UNC13C: variants seen among roughly 807,000 people sequenced by gnomAD.
UNC13C encodes protein unc-13 homolog C.
In UNC13C, 174 loss-of-function variants were observed where a neutral mutation model predicts 245.4. That is an observed-to-expected ratio of 0.71 (90% CI 0.63 to 0.80). The LOEUF (loss-of-function observed/expected upper bound fraction) is 0.80, where lower values mean the gene tolerates loss of function less well. Ranked by LOEUF, UNC13C falls within the 30% of genes least tolerant of loss-of-function variation. The pLI, the probability that UNC13C is intolerant of heterozygous loss-of-function variation, is 0.00. For missense variants in UNC13C, 2,829 were observed against 2,602.9 expected (o/e 1.09, Z -1.89); for synonymous variants, 992 against 895.1 (o/e 1.11, Z -1.93).
At chr15:54,123,105 C>T (rs2030789984) in intron 2 of UNC13C, among the ~76,000 whole-genome samples, 1 of 151,870 alleles carries the variant, frequency 6.6e-6, no homozygotes, top group Non-Finnish European at 1.5e-5. Flanking sequence ...CTTATCAACT[C>T]TTATTATTGT....
At chr15:54,284,466 T>C (rs2140921955) in intron 10 of UNC13C, among the ~76,000 whole-genome samples, 1 of 152,252 alleles carries the variant, frequency 6.6e-6, no homozygotes, top group East Asian at 1.9e-4. Flanking sequence ...GGGATGAATC[T>C]TTATGTGGGT....
intron 2 of UNC13C, among the ~76,000 whole-genome samples, chr15:54,128,675 T>C (rs1018436019): frequency 1.3e-5 from 2 of 152,164 alleles, no homozygotes; most frequent in Non-Finnish European, 2.9e-5. Flanking sequence ...TCTGATTCAT[T>C]TCTACCAGGT....
intron 1 of UNC13C, among the ~76,000 whole-genome samples, chr15:54,004,722 C>T (rs999254685): frequency 1.3e-5 from 2 of 152,202 alleles, no homozygotes; most frequent in African/African-American, 4.8e-5. Flanking sequence ...CGAGGTATCT[C>T]ATTGTAGTTT....
At chr15:54,559,779 T>G (rs1261808323) in intron 29 of UNC13C, among the ~76,000 whole-genome samples, 1 of 151,718 alleles carries the variant, frequency 6.6e-6, no homozygotes, top group Non-Finnish European at 1.5e-5. Flanking sequence ...ACAGCATGAG[T>G]GACCGAAGAG....
intron 25 of UNC13C, among the ~76,000 whole-genome samples, chr15:54,531,037 G>T (rs1417157310): frequency 6.6e-6 from 1 of 152,124 alleles, no homozygotes; most frequent in Non-Finnish European, 1.5e-5. Flanking sequence ...GATGGTAAAG[G>T]GGTCTATAGT....
intron 19 of UNC13C, among the ~76,000 whole-genome samples, chr15:54,470,963 C>T (rs181918351): frequency 2.6e-5 from 4 of 151,132 alleles, no homozygotes; most frequent in African/African-American, 9.7e-5. Flanking sequence ...ATTTTTTTAA[C>T]CCTATAGTTT....
chr15:54,239,827 A>G (rs2035805354), intron 7 of UNC13C, among the ~76,000 whole-genome samples: 1 of 152,220 alleles, frequency 6.6e-6, no homozygotes, highest in Non-Finnish European at 1.5e-5. Flanking sequence ...GACAAAGCAG[A>G]CATCCTCTGG....
At chr15:53,965,781 T>G in the UNC13C span, among the ~76,000 whole-genome samples, 1 of 152,038 alleles carries the variant, frequency 6.6e-6, no homozygotes, top group African/African-American at 2.4e-5. Context: ...GTGTTCTCAT[T>G]GTTCAATTCC....
chr15:54,508,685 TA>T (rs1178842047), intron 23 of UNC13C, among the ~76,000 whole-genome samples: 2 of 152,168 alleles, frequency 1.3e-5, no homozygotes, highest in Non-Finnish European at 2.9e-5. Flanking sequence ...ACTTGGTTAC[TA>T]GGCTTATGTT....
At chr15:54,586,721 C>A (rs562376371) in intron 30 of UNC13C, among the ~76,000 whole-genome samples, 18 of 152,322 alleles carry the variant, frequency 1.2e-4, no homozygotes, top group African/African-American at 4.3e-4. Context: ...TCCTTGTCAT[C>A]ATGCAGATGC....
At chr15:54,164,768 G>A (rs1288625942) in intron 4 of UNC13C, among the ~76,000 whole-genome samples, 1 of 152,018 alleles carries the variant, frequency 6.6e-6, no homozygotes, top group East Asian at 1.9e-4. Context: ...TGGCACTGAA[G>A]GACTAGCAAA....
At chr15:54,401,817 C>T (rs909062448) in intron 18 of UNC13C, among the ~76,000 whole-genome samples, 8 of 152,140 alleles carry the variant, frequency 5.3e-5, no homozygotes, top group Non-Finnish European at 8.8e-5. Flanking sequence ...TGAAGCCTGA[C>T]TCCAGGGGCT....
At chr15:53,946,459 T>G in the UNC13C span, among the ~76,000 whole-genome samples, 1 of 151,264 alleles carries the variant, frequency 6.6e-6, no homozygotes, top group Non-Finnish European at 1.5e-5. Context: ...TTGTTTTTTT[T>G]TTTTTTTAAA....
At chr15:54,312,685 A>G (rs1483120197) in intron 13 of UNC13C, among the ~76,000 whole-genome samples, 10 of 151,736 alleles carry the variant, frequency 6.6e-5, no homozygotes, top group Non-Finnish European at 1.5e-4. Context: ...AAGGTGTGGG[A>G]AAGGAGAAAC....
intron 2 of UNC13C, among the ~76,000 whole-genome samples, chr15:54,076,936 A>T (rs28757621): frequency 0.16 from 25,094 of 152,210 alleles, 2,269 homozygotes; most frequent in South Asian, 0.33. Context: ...AGTGGTCTTT[A>T]TGAATTGTTA....
At chr15:54,056,390 C>A (rs945134201) in intron 2 of UNC13C, among the ~76,000 whole-genome samples, 4 of 152,010 alleles carry the variant, frequency 2.6e-5, no homozygotes, top group African/African-American at 9.7e-5. Flanking sequence ...TGAAATGAAG[C>A]ATGAAGAGAA....
chr15:54,047,133 A>C (rs1394089252), intron 2 of UNC13C, among the ~76,000 whole-genome samples: 1 of 152,142 alleles, frequency 6.6e-6, no homozygotes, highest in Non-Finnish European at 1.5e-5. Flanking sequence ...AAACAGGTTT[A>C]TCATTTAAGA....
chr15:53,965,367 C>A, the UNC13C span, among the ~76,000 whole-genome samples: 1 of 151,930 alleles, frequency 6.6e-6, no homozygotes, highest in Non-Finnish European at 1.5e-5. Context: ...TAAACACAGC[C>A]TTCAGTACAA....
the UNC13C span, among the ~76,000 whole-genome samples, chr15:53,871,063 C>G: frequency 6.6e-6 from 1 of 152,160 alleles, no homozygotes; most frequent in Admixed American, 6.5e-5. Flanking sequence ...ATTTAGTCTC[C>G]AAAATTACCT....
Sources: allele counts gnomAD v4.1 joint callset (sites outside exome capture counted in the v4.1 genomes callset), GRCh38; gene constraint gnomAD v4.1.1; transcripts MANE v1.5; gene names NCBI Gene and HGNC (gene_info 2026-07-23, HGNC 2026-07-21).